Variants in TTK observed in about 807,000 individuals in gnomAD.
TTK encodes TTK protein kinase, also known as dual specificity protein kinase TTK.
Under a neutral mutation model 117.3 loss-of-function variants are expected in TTK, and 59 were observed. The ratio of observed to expected loss-of-function variants is 0.50; its 90% CI spans 0.41 to 0.62. TTK has a LOEUF of 0.62. TTK is among the 20% of genes least tolerant of loss of function. The probability of loss-of-function intolerance (pLI) is 0.00; values close to 1 mark genes in which losing one functional copy is unlikely to be tolerated. For synonymous variants in TTK, 302 were observed against 325.0 expected, an observed-to-expected ratio of 0.93 and a Z score of 0.76; for missense variants, 921 against 989.4, an observed-to-expected ratio of 0.93 and a Z score of 0.93.
At chr6:80,015,234 C>T (rs1224851814) in intron 10 of TTK, among the ~76,000 whole-genome samples, 2 of 152,164 alleles carry the variant, frequency 1.3e-5, no homozygotes, top group Admixed American at 6.5e-5. Context: ...ACACAGACAA[C>T]GAGTAAAATG....
intron 18 of TTK, among the ~76,000 whole-genome samples, 181 bp from the exon 19 acceptor site, chr6:80,039,515 T>C (rs1368804049): frequency 6.6e-6 from 1 of 151,912 alleles, no homozygotes; most frequent in South Asian, 2.1e-4. Context: ...GCTCATATCT[T>C]CTGATGGAAT....
chr6:80,011,686 A>C, intron 6 of TTK, 43 bp from the exon 7 acceptor site: 1 of 1,599,010 alleles, frequency 6.3e-7, no homozygotes, highest in Non-Finnish European at 8.6e-7. Context: ...ATACATATTA[A>C]TATTGTTCTT....
intron 14 of TTK, among the ~76,000 whole-genome samples, chr6:80,034,440 AAAC>A (rs1339953219): frequency 6.6e-6 from 1 of 152,186 alleles, no homozygotes; most frequent in Non-Finnish European, 1.5e-5. Context: ...ACAATAGAGA[AAAC>A]AACATCTGTG....
intron 11 of TTK, 85 bp downstream of exon 11, chr6:80,022,557 T>G (rs1195619040): frequency 2.9e-6 from 4 of 1,383,574 alleles, no homozygotes; most frequent in Non-Finnish European, 2.9e-6. Flanking sequence ...TGTTTTCTTT[T>G]ATTAAATGTG....
In TTK at chr6:80,022,336, A is replaced by G. The variant is rs1767481795; in HGVS notation, c.1121A>G (p.Tyr374Cys). 2 of 1,610,892 alleles carry G rather than the reference A, an allele frequency of 1.2e-6. No homozygotes were observed. The highest frequency in any genetic ancestry group is 1.3e-5 in the African/African-American group (1 of 74,892). Residue 374 changes from tyrosine to cysteine, a missense_variant, in exon 11 of 22, where the codon TAT becomes TGT. Tyr to Cys is a radical substitution (Grantham distance 194). Transcript: ENST00000369798. The part of the protein sequence containing the change: ...LLAKLEETKE[Y>C]QEPEVPESNQ... ...AATACAATTTCAGAAACTAAAGAGT[A>G]TCAAGAACCAGAGGTTCCAGAGAGT... is the stretch of plus-strand genomic sequence containing the variant.
At chr6:80,013,675 G>T (rs568998246) in intron 9 of TTK, 64 of 184,622 alleles carry the variant, frequency 3.5e-4, no homozygotes, top group African/African-American at 1.5e-3. Flanking sequence ...TGGGGGAACT[G>T]TTGCCCCCAA....
rs748510211 is a variant in TTK at position 80,011,558 on chromosome 6, C to T, written c.728+10C>T. ...CCAGGTTTTTATATGGGTAAGGAAA[C>T]GGAAACAGTTTTTAAATGTTCATCT... On this transcript the variant is annotated intron_variant, in intron 6 of 21. Transcript: ENST00000369798. 52 of 1,589,904 alleles carry T rather than the reference C, an allele frequency of 3.3e-5. No individual in the cohort carries two copies. The highest frequency in any genetic ancestry group is 1.4e-4 in the South Asian group (12 of 86,694).
At position 80,008,377 on chromosome 6, in the gene TTK, T is replaced by A; in HGVS notation, c.363-9T>A. ...TTTCTTAAATTTTGACTCAAATCTT[T>A]TATTACAGTATTCAAGAGCCAGATG... On this transcript the variant is annotated splice_polypyrimidine_tract_variant and intron_variant, in intron 3 of 21. Coordinates refer to ENST00000369798, the MANE Select transcript of TTK (RefSeq NM_003318.5). The A allele has an allele frequency of 6.2e-7, 1 of 1,600,816 alleles. No individual in the cohort carries two copies. The highest frequency in any genetic ancestry group is 8.5e-7 in the Non-Finnish European group (1 of 1,175,912).
intron 18 of TTK, among the ~76,000 whole-genome samples, chr6:80,038,351 T>TC (rs2127684085): frequency 6.6e-6 from 1 of 152,272 alleles, no homozygotes; most frequent in East Asian, 1.9e-4. Flanking sequence ...GTGCCCTTTG[T>TC]CCGGGGCTCC....
intron 11 of TTK, among the ~76,000 whole-genome samples, chr6:80,026,058 T>C (rs531315541): frequency 7.6e-4 from 115 of 152,228 alleles, no homozygotes; most frequent in Non-Finnish European, 1.4e-3. Flanking sequence ...GGATACTATT[T>C]TAGATGATAA....
At chr6:80,017,039 A>G (rs1161832071) in intron 10 of TTK, among the ~76,000 whole-genome samples, 2 of 152,202 alleles carry the variant, frequency 1.3e-5, no homozygotes, top group East Asian at 1.9e-4. Context: ...AGATATTTCC[A>G]TATTTTTTAG....
At chr6:80,019,718 C>T (rs1040505107) in intron 10 of TTK, among the ~76,000 whole-genome samples, 2 of 152,156 alleles carry the variant, frequency 1.3e-5, no homozygotes, top group African/African-American at 4.8e-5. Context: ...ATTGAACCAC[C>T]AATCTAAATT....
chr6:80,008,929 C>G (rs1343591984), intron 4 of TTK, among the ~76,000 whole-genome samples: 9 of 142,300 alleles, frequency 6.3e-5, no homozygotes, highest in African/African-American at 2.3e-4. Flanking sequence ...AACTATATAT[C>G]TGTGTGTGTG....
chr6:80,028,293 T>C (rs929863509), intron 13 of TTK, among the ~76,000 whole-genome samples: 1 of 124,584 alleles, frequency 8.0e-6, no homozygotes, highest in African/African-American at 3.1e-5. Flanking sequence ...CTTTTATTTT[T>C]TATTTTTATT....
In TTK at chr6:80,014,525, T is replaced by G; in HGVS notation, c.1047T>G (p.Ile349Met). ...LVSDEKSSEL[I>M]ITDSITLKNK... ...CAGATGAAAAGAGTTCTGAACTTAT[T>G]ATTACTGATTCAATAACCCTGAAGA... The change falls in exon 10 of 22, where the codon ATT becomes ATG. Residue 349 changes from isoleucine (I) to methionine (M), a missense_variant. Physicochemically the swap from Ile to Met is conservative, Grantham distance 10 (BLOSUM62 1). Coordinates refer to ENST00000369798, the MANE Select transcript of TTK (RefSeq NM_003318.5). 6.2e-7 allele frequency: 1 copy of G among 1,610,116 alleles called. No individual in the cohort carries two copies. Among genetic ancestry groups the G allele is most frequent in the Non-Finnish European group, 8.5e-7 (1 of 1,177,840 alleles).
chr6:80,040,680 A>G lies in TTK; in HGVS notation c.2467A>G (p.Asn823Asp), dbSNP rs61735784. Residue 823 changes from asparagine (N) to aspartate (D), a missense_variant, in exon 21 of 22, where the codon AAC becomes GAC. Coordinates refer to ENST00000369798, the MANE Select transcript of TTK (RefSeq NM_003318.5). Reference protein sequence around the residue: ...LGQLVGLNSPNSILKAAKTLY... With the variant: ...LGQLVGLNSPDSILKAAKTLY... Reference sequence around the variant, plus strand: ...CCAACTTGTTGGTCTGAATTCTCCTAACTCCATTTTGAAAGCTGCTAAAGT... The same window carrying G: ...CCAACTTGTTGGTCTGAATTCTCCTGACTCCATTTTGAAAGCTGCTAAAGT... 6.2e-6 allele frequency: 10 copies of G among 1,611,636 alleles called. No homozygotes were observed. In the African/African-American group the frequency reaches 6.7e-5, roughly 11 times the overall value.
At chr6:80,006,350 C>G (rs575530788) in intron 2 of TTK, among the ~76,000 whole-genome samples, 2 of 152,050 alleles carry the variant, frequency 1.3e-5, no homozygotes, top group Non-Finnish European at 2.9e-5. Context: ...CTATACTAAC[C>G]TTTAAATAGA....
chr6:80,011,789 C>T lies in TTK; in HGVS notation c.789C>T (p.Asn263=). The change falls in exon 7 of 22, where the codon AAC becomes AAT. Residue 263 remains asparagine, a synonymous_variant. Coordinates refer to ENST00000369798, the MANE Select transcript of TTK (RefSeq NM_003318.5). Reference sequence around the variant, plus strand: ...ACCGGAATTCATTGAGACAAACTAACAAAACTAAACAGGTAAGTTACTTTC... The same window carrying T: ...ACCGGAATTCATTGAGACAAACTAATAAAACTAAACAGGTAAGTTACTTTC... The part of the protein sequence containing the change: ...IGYRNSLRQT[N]KTKQSCPFGR... The T allele has an allele frequency of 1.2e-6, 2 of 1,612,622 alleles. No homozygotes were observed. The highest frequency in any genetic ancestry group is 1.7e-5 in the Admixed American group (1 of 59,868).
At chr6:80,033,764 A>ATGTGTG (rs1355974217) in intron 14 of TTK, among the ~76,000 whole-genome samples, 1 of 79,090 alleles carries the variant, frequency 1.3e-5, no homozygotes, top group Admixed American at 2.4e-4. Context: ...GTGCATTACC[A>ATGTGTG]TGTGTATCAA....
Sources: gnomAD v4.1 joint callset for allele counts (sites outside exome capture counted in the v4.1 genomes callset) on GRCh38, gnomAD v4.1.1 for gene constraint, MANE v1.5 for transcripts, NCBI Gene and HGNC (gene_info 2026-07-23, HGNC 2026-07-21) for gene names.